GABBR2: variants seen among roughly 807,000 people sequenced by gnomAD.
GABBR2 encodes the protein G-protein coupled receptor 51.
In GABBR2, 23 loss-of-function variants were observed where a neutral mutation model predicts 105.6. That is an observed-to-expected ratio of 0.22 (90% CI 0.16 to 0.31). The LOEUF (loss-of-function observed/expected upper bound fraction) is 0.31. Among genes scored for constraint, GABBR2 ranks in the 10% least tolerant of loss-of-function variants. The pLI is 1.00. For missense variants in GABBR2, 734 were observed against 1,245.5 expected, an observed-to-expected ratio of 0.59 and a Z score of 6.18; for synonymous variants, 478 against 499.7, an observed-to-expected ratio of 0.96 and a Z score of 0.58.
chr9:98,561,221 G>A (rs1828669818), intron 2 of GABBR2, among the ~76,000 whole-genome samples: 1 of 151,648 alleles, frequency 6.6e-6, no homozygotes, highest in African/African-American at 2.4e-5. Context: ...ATATTTGTCT[G>A]ATTATCTCCT....
At chr9:98,363,043 C>G (rs1275571632) in intron 12 of GABBR2, among the ~76,000 whole-genome samples, 1 of 152,140 alleles carries the variant, frequency 6.6e-6, no homozygotes, top group East Asian at 1.9e-4. Context: ...CTTATCACTC[C>G]CCAAACACAT....
intron 7 of GABBR2, among the ~76,000 whole-genome samples, chr9:98,413,703 A>G (rs1832630921): frequency 6.6e-6 from 1 of 152,200 alleles, no homozygotes; most frequent in Non-Finnish European, 1.5e-5. Context: ...CTGAGGGACC[A>G]TAACCAGACG....
intron 7 of GABBR2, among the ~76,000 whole-genome samples, chr9:98,450,732 C>T (rs919228803): frequency 1.3e-5 from 2 of 152,158 alleles, no homozygotes; most frequent in Admixed American, 6.5e-5. Context: ...GAGTCACAAG[C>T]TGGAGCAGAC....
chr9:98,563,403 G>C (rs569611508), intron 2 of GABBR2, among the ~76,000 whole-genome samples: 2 of 152,300 alleles, frequency 1.3e-5, no homozygotes, highest in East Asian at 1.9e-4. Flanking sequence ...GGGCAGCGAG[G>C]GTTACCGGTT....
At chr9:98,697,447 C>T (rs1012235877) in intron 1 of GABBR2, among the ~76,000 whole-genome samples, 11 of 150,536 alleles carry the variant, frequency 7.3e-5, no homozygotes, top group Admixed American at 6.6e-4. Context: ...GCGGAGATGG[C>T]GCCACTGCAC....
intron 6 of GABBR2, among the ~76,000 whole-genome samples, chr9:98,466,878 A>C (rs1826569444): frequency 1.3e-5 from 2 of 152,192 alleles, no homozygotes; most frequent in South Asian, 4.1e-4. Flanking sequence ...CCCCAGGGTA[A>C]TAAGGGATCC....
chr9:98,359,674 G>C (rs911336576), intron 13 of GABBR2, among the ~76,000 whole-genome samples: 1 of 152,120 alleles, frequency 6.6e-6, no homozygotes, highest in Non-Finnish European at 1.5e-5. Context: ...ACGGTTATTC[G>C]TCTGCAGGTT....
At chr9:98,598,007 G>C (rs1829262612) in intron 1 of GABBR2, among the ~76,000 whole-genome samples, 1 of 152,022 alleles carries the variant, frequency 6.6e-6, no homozygotes, top group African/African-American at 2.4e-5. Context: ...ATTTTTAATA[G>C]AGATGGGGTT....
chr9:98,610,632 T>A (rs1014042302), intron 1 of GABBR2, among the ~76,000 whole-genome samples: 2 of 151,826 alleles, frequency 1.3e-5, no homozygotes, highest in African/African-American at 4.8e-5. Context: ...GAGGTAGAGA[T>A]TGGAACCCTG....
At chr9:98,294,755 G>T (rs764027382) in intron 17 of GABBR2, among the ~76,000 whole-genome samples, 17 of 152,296 alleles carry the variant, frequency 1.1e-4, no homozygotes, top group Non-Finnish European at 2.1e-4. Context: ...TAGGATTACA[G>T]GTGTGAGCCG....
intron 1 of GABBR2, among the ~76,000 whole-genome samples, chr9:98,684,289 A>G (rs1231632226): frequency 6.6e-6 from 1 of 151,190 alleles, no homozygotes; most frequent in Non-Finnish European, 1.5e-5. Context: ...ATCAACAGTG[A>G]TTGTGTTAGA....
At chr9:98,385,160 C>T (rs1208518870) in intron 11 of GABBR2, among the ~76,000 whole-genome samples, 1 of 152,158 alleles carries the variant, frequency 6.6e-6, no homozygotes, top group Admixed American at 6.5e-5. Flanking sequence ...CTATGTTACT[C>T]TGTCAATTCT....
At chr9:98,323,748 C>T (rs952433194) in intron 13 of GABBR2, among the ~76,000 whole-genome samples, 1 of 152,206 alleles carries the variant, frequency 6.6e-6, no homozygotes, top group African/African-American at 2.4e-5. Context: ...TGTCTCTCAT[C>T]ACCTTCTCAC....
intron 3 of GABBR2, 42 bp from the exon 4 acceptor site, chr9:98,496,556 C>T: frequency 7.3e-7 from 1 of 1,366,378 alleles, no homozygotes; most frequent in Non-Finnish European, 1.0e-6. Flanking sequence ...TGCTGGGGAC[C>T]ACAGGAAGGG....
At chr9:98,581,971 C>A (rs1277109102) in intron 1 of GABBR2, among the ~76,000 whole-genome samples, 1 of 152,196 alleles carries the variant, frequency 6.6e-6, no homozygotes, top group African/African-American at 2.4e-5. Context: ...ATATCTGAGA[C>A]TATTTGACAA....
chr9:98,330,354 T>C (rs1831003115), intron 13 of GABBR2, among the ~76,000 whole-genome samples: 1 of 152,192 alleles, frequency 6.6e-6, no homozygotes, highest in Non-Finnish European at 1.5e-5. Context: ...CCATGACACC[T>C]GAGAAGCAAA....
Position 98,466,460 on chromosome 9 carries a change from G to A in GABBR2, c.999+6686C>T, listed in dbSNP as rs190199856. Among the ~76,000 whole-genome samples the A allele has an allele frequency of 1.5e-3, 224 of 152,282 alleles. 2 individuals carry two copies. The highest frequency in any genetic ancestry group is 4.9e-3 in the African/African-American group (205 of 41,556). On this transcript the variant is annotated intron_variant, in intron 6 of 18. Coordinates refer to ENST00000259455, the MANE Select transcript of GABBR2 (RefSeq NM_005458.8). ...AAAAATAATTAATGAAACCATAAAA[G>A]GTAATCCCAATCCTTCCATTGCTCC...
chr9:98,583,810 A>T (rs1829034239), intron 1 of GABBR2, among the ~76,000 whole-genome samples: 1 of 152,204 alleles, frequency 6.6e-6, no homozygotes, highest in African/African-American at 2.4e-5. Flanking sequence ...AGTCAATGTT[A>T]TGCGTATTTC....
In GABBR2 at chr9:98,323,029, G is replaced by A. The variant is rs188966608; in HGVS notation, c.1894-11824C>T. Among the ~76,000 whole-genome samples, 526 of 152,122 alleles carry A rather than the reference G, an allele frequency of 3.5e-3. 3 individuals carry two copies. The highest frequency in any genetic ancestry group is 0.012 in the African/African-American group (509 of 41,506). ...CCAATCAATCAACCACCGCAGACAC[G>A]AGCGCCAGCACCACACCATTTTAGG... On this transcript the variant is annotated intron_variant, in intron 13 of 18. Coordinates refer to ENST00000259455, the MANE Select transcript of GABBR2 (RefSeq NM_005458.8).
Sources: allele counts gnomAD v4.1 joint callset (sites outside exome capture counted in the v4.1 genomes callset), GRCh38; gene constraint gnomAD v4.1.1; transcripts MANE v1.5; gene names NCBI Gene and HGNC (gene_info 2026-07-23, HGNC 2026-07-21).